Variants in CSNK2A1 observed in about 807,000 individuals in gnomAD.
CSNK2A1 encodes the protein casein kinase 2 alpha 1.
Under a neutral mutation model 62.9 loss-of-function variants are expected in CSNK2A1, and 10 were observed. The observed-to-expected ratio is 0.16, with a 90% CI of 0.10 to 0.27. The LOEUF (loss-of-function observed/expected upper bound fraction) is 0.27, where lower values mean the gene tolerates loss of function less well. Ranked by LOEUF, CSNK2A1 falls within the 10% of genes least tolerant of loss-of-function variation. The probability of loss-of-function intolerance (pLI) is 1.00; values close to 1 mark genes in which losing one functional copy is unlikely to be tolerated. For missense variants in CSNK2A1, 160 were observed against 492.0 expected (o/e 0.33, Z 6.38); for synonymous variants, 124 against 167.8 (o/e 0.74, Z 2.02).
In CSNK2A1 at chr20:521,754, C is replaced by T. The variant is rs899990747; in HGVS notation, c.-110+6179G>A. On this transcript the variant is annotated intron_variant, in intron 2 of 13. Transcript: ENST00000217244. ...GATTTGTGCAACAAAATGGATGAAT[C>T]GTTTTTCTTTTTTTGGTAGAGACAG... is the stretch of plus-strand genomic sequence containing the variant. 1.3e-4 allele frequency among the ~76,000 whole-genome samples: 20 copies of T among 152,250 alleles called. 1 individual carries two copies. The South Asian group carries it at 3.5e-3, about 27-fold the overall frequency.
At chr20:527,032 A>AGAGAGAGG (rs2019111728) in intron 2 of CSNK2A1, 1 of 151,376 alleles carries the variant, frequency 6.6e-6, no homozygotes, top group South Asian at 2.1e-4. Context: ...AGAGAGAGAG[A>AGAGAGAGG]GAGAGAGAGA....
rs561211471 is a variant in CSNK2A1 at position 535,876 on chromosome 20, A to G, written c.-227+7796T>C. Among the ~76,000 whole-genome samples the G allele has an allele frequency of 4.6e-5, 7 of 152,318 alleles. No individual in the cohort carries two copies. In the South Asian group the frequency reaches 1.4e-3, roughly 32 times the overall value. On this transcript the variant is annotated intron_variant, in intron 1 of 13. Transcript: ENST00000217244. ...CCTGAGAGAGCAAGACATAGAGAAG[A>G]TGTTAATGCAGGGAGCTGGCCTTCT...
intron 2 of CSNK2A1, among the ~76,000 whole-genome samples, chr20:523,664 G>A (rs2018996241): frequency 6.6e-6 from 1 of 152,076 alleles, no homozygotes; most frequent in South Asian, 2.1e-4. Context: ...GGCCGAAGCG[G>A]ATGGATCACA....
Position 490,072 on chromosome 20 carries a change from C to T in CSNK2A1, c.622-191G>A, listed in dbSNP as rs1384393418. 3.3e-5 allele frequency among the ~76,000 whole-genome samples: 5 copies of T among 150,378 alleles called. No individual in the cohort carries two copies. The East Asian group carries it at 9.8e-4, about 29-fold the overall frequency. On this transcript the variant is annotated intron_variant, in intron 9 of 13. Transcript: ENST00000217244. ...TTGGAGACAGAGTCTCACTCTGCTG[C>T]CCATGCTGGAGTGCAGTGGCGCAAT...
intron 1 of CSNK2A1, among the ~76,000 whole-genome samples, chr20:533,362 A>C (rs940772842): frequency 6.6e-6 from 1 of 152,242 alleles, no homozygotes; most frequent in Non-Finnish European, 1.5e-5. Flanking sequence ...TAACTTTAGG[A>C]GATTATAAAT....
At chr20:508,115 G>A (rs543324576) in intron 3 of CSNK2A1, 27 of 184,732 alleles carry the variant, frequency 1.5e-4, no homozygotes, top group Non-Finnish European at 2.9e-4. Context: ...ACATTTTTCA[G>A]CTCTCTTATA....
intron 13 of CSNK2A1, 117 bp downstream of exon 13, chr20:486,259 A>G: frequency 8.4e-7 from 1 of 1,190,034 alleles, no homozygotes; most frequent in Non-Finnish European, 1.2e-6. Context: ...CTGGTTAAAA[A>G]AAAGTCACAA....
chr20:501,616 T>G (rs1017140606), intron 4 of CSNK2A1: 1 of 152,234 alleles, frequency 6.6e-6, no homozygotes, highest in Admixed American at 6.5e-5. Flanking sequence ...ATATCTCAAT[T>G]CAGCCCAGCC....
In CSNK2A1 at chr20:522,408, T is replaced by TC; in HGVS notation, c.-110+5524dup. Among the ~76,000 whole-genome samples the TC allele has an allele frequency of 5.3e-5, 8 of 152,354 alleles. No individual in the cohort carries two copies. In the South Asian group the frequency reaches 1.7e-3, roughly 32 times the overall value. On this transcript the variant is annotated intron_variant, in intron 2 of 13. Coordinates refer to ENST00000217244, the MANE Select transcript of CSNK2A1 (RefSeq NM_177559.3). ...GCACTTCACCTCTGTGGTAGTCTTC[T>TC]CAAAAATCCATAACCACAATTTAAT...
chr20:531,679 C>A (rs1417723966), intron 1 of CSNK2A1, among the ~76,000 whole-genome samples: 1 of 152,048 alleles, frequency 6.6e-6, no homozygotes, highest in Non-Finnish European at 1.5e-5. Context: ...AGAAGGCTAA[C>A]TTGGTGATTT....
In CSNK2A1 at chr20:521,686, G is replaced by A. The variant is rs564719171; in HGVS notation, c.-110+6247C>T. ...CCAACAGTTACATGAACAAACAAAT[G>A]GTTTGCCATGTGATGCTTAGCAATA... On this transcript the variant is annotated intron_variant, in intron 2 of 13. Coordinates refer to ENST00000217244, the MANE Select transcript of CSNK2A1 (RefSeq NM_177559.3). Among the ~76,000 whole-genome samples, 3 of 152,264 alleles carry A rather than the reference G, an allele frequency of 2.0e-5. No individual in the cohort carries two copies. The East Asian group carries it at 5.8e-4, about 29-fold the overall frequency.
intron 13 of CSNK2A1, among the ~76,000 whole-genome samples, chr20:485,137 TGA>T (rs1419223866): frequency 5.4e-5 from 5 of 91,954 alleles, no homozygotes; most frequent in South Asian, 4.0e-4. Context: ...TATATATATA[TGA>T]GAACATTATT....
chr20:516,224 T>A (rs982148580), intron 2 of CSNK2A1, among the ~76,000 whole-genome samples: 3 of 152,232 alleles, frequency 2.0e-5, no homozygotes, highest in African/African-American at 7.2e-5. Flanking sequence ...ACTGTTCTCA[T>A]GTAATTGCAT....
At chr20:537,057 G>A (rs570375865) in intron 1 of CSNK2A1, among the ~76,000 whole-genome samples, 3 of 152,068 alleles carry the variant, frequency 2.0e-5, no homozygotes, top group African/African-American at 7.3e-5. Flanking sequence ...GCCCATTAAA[G>A]CATTAGTCAT....
At position 481,683 on chromosome 20, in the gene CSNK2A1, C is replaced by T. The variant is rs771407203; in HGVS notation, c.*2278G>A. On this transcript the variant is annotated 3_prime_UTR_variant, in exon 14 of 14. Transcript: ENST00000217244. The stretch of plus-strand genomic sequence containing the variant: ...GGAGGTCCAGCTGTCTGCAGCTCTC[C>T]GCATCAGCCTAAGCTACACCTCAAT... 6 of 152,058 alleles carry T rather than the reference C, an allele frequency of 3.9e-5. No individual in the cohort carries two copies. Among genetic ancestry groups the T allele is most frequent in the South Asian group, 4.1e-4 (2 of 4,834 alleles). The allele number at this position is 152,058 out of a possible 1,614,324, so 9.4% of individuals were successfully genotyped here.
chr20:496,432 C>A (rs1367700677), intron 7 of CSNK2A1: 1 of 152,490 alleles, frequency 6.6e-6, no homozygotes, highest in Non-Finnish European at 1.5e-5. Flanking sequence ...TCATCAAATC[C>A]AATCTGAAAT....
chr20:527,001 C>CAGACAGAGAGAGAGAGAG (rs1197678638), intron 2 of CSNK2A1: 991 of 97,812 alleles, frequency 0.01, 28 homozygotes, highest in Non-Finnish European at 0.015. Context: ...GAGAGACAGA[C>CAGACAGAGAGAGAGAGAG]AGAGAGAGAG....
intron 1 of CSNK2A1, among the ~76,000 whole-genome samples, chr20:529,532 A>G (rs962975961): frequency 6.6e-6 from 1 of 152,204 alleles, no homozygotes; most frequent in African/African-American, 2.4e-5. Context: ...GAAATGCCCC[A>G]AAGTGCAAGA....
intron 11 of CSNK2A1, chr20:488,424 G>A (rs1294220102): frequency 2.6e-6 from 1 of 379,098 alleles, no homozygotes; most frequent in Non-Finnish European, 4.8e-6. Flanking sequence ...CCTTCTACTA[G>A]AATCTACATT....
Sources: allele counts gnomAD v4.1 joint callset (sites outside exome capture counted in the v4.1 genomes callset), GRCh38; gene constraint gnomAD v4.1.1; transcripts MANE v1.5; gene names NCBI Gene and HGNC (gene_info 2026-07-23, HGNC 2026-07-21).